Variants in IL16 observed in about 807,000 individuals in gnomAD.
The protein encoded by IL16 is interleukin 16.
In IL16, 67 loss-of-function variants were observed where a neutral mutation model predicts 110.1. That is an observed-to-expected ratio of 0.61 (90% CI 0.50 to 0.75). The LOEUF is 0.75. Among genes scored for constraint, IL16 ranks in the 30% least tolerant of loss-of-function variants. The probability of loss-of-function intolerance (pLI) is 0.00; values close to 1 mark genes in which losing one functional copy is unlikely to be tolerated. For missense variants in IL16, 1,545 were observed against 1,655.0 expected (o/e 0.93, Z 1.15); for synonymous variants, 689 against 662.9 (o/e 1.04, Z -0.61).
intron 6 of IL16, among the ~76,000 whole-genome samples, chr15:81,274,818 A>G (rs1006809375): frequency 3.9e-5 from 6 of 152,206 alleles, no homozygotes; most frequent in Non-Finnish European, 7.3e-5. Flanking sequence ...CCCGAGCACT[A>G]TGCAGAATTA....
chr15:81,232,042 G>GTTTTTTTTCTTTTTTTTTTTTTTT (rs1897009237), intron 2 of IL16, among the ~76,000 whole-genome samples: 1 of 57,694 alleles, frequency 1.7e-5, no homozygotes, highest in Non-Finnish European at 3.3e-5. Context: ...ATTTGTTCTT[G>GTTTTTTTTCTTTTTTTTTTTTTTT]TTTTTTTTTT....
chr15:81,300,409 C>G lies in IL16; in HGVS notation c.3083C>G (p.Ser1028Cys). ...PKEGASPTSS[S>C]NEDSAANGSA... ...GAAGGGGCATCTCCAACATCATCAT[C>G]CAACGAAGACTCAGCTGCAAATGGT... is the stretch of plus-strand genomic sequence containing the variant. Residue 1028 changes from serine (S) to cysteine (C), a missense_variant, in exon 14 of 19, where the codon TCC becomes TGC. Around this residue, in one of 3 missense-constraint regions of IL16, gnomAD observed 356 missense variants for 399.3 expected, o/e 0.89. Transcript: ENST00000683961. 1.2e-6 allele frequency: 2 copies of G among 1,614,208 alleles called. No individual in the cohort carries two copies. Among genetic ancestry groups the G allele is most frequent in the Non-Finnish European group, 1.7e-6 (2 of 1,180,026 alleles).
At chr15:81,252,578 T>A (rs1453813653) in intron 2 of IL16, among the ~76,000 whole-genome samples, 1 of 152,074 alleles carries the variant, frequency 6.6e-6, no homozygotes, top group Non-Finnish European at 1.5e-5. Context: ...CACTGTCTAG[T>A]TTTAGAACAT....
At chr15:81,306,350 C>A in intron 17 of IL16, 70 bp from the exon 18 acceptor site, 1 of 1,592,676 alleles carries the variant, frequency 6.3e-7, no homozygotes, top group Non-Finnish European at 8.6e-7. Context: ...CCCGGGCTCA[C>A]TTGAAGCCCA....
chr15:81,220,707 G>A (rs1019003249), intron 1 of IL16, among the ~76,000 whole-genome samples: 10 of 151,366 alleles, frequency 6.6e-5, no homozygotes, highest in African/African-American at 2.4e-4. Flanking sequence ...TTATCCAGGT[G>A]GAAATACTGT....
intron 1 of IL16, among the ~76,000 whole-genome samples, chr15:81,220,293 C>T (rs780565501): frequency 1.3e-4 from 20 of 152,106 alleles, no homozygotes; most frequent in Non-Finnish European, 2.1e-4. Flanking sequence ...TGCCATCATG[C>T]TGGCTAGTTT....
At chr15:81,273,927 C>G (rs557206269) in intron 6 of IL16, among the ~76,000 whole-genome samples, 1 of 152,008 alleles carries the variant, frequency 6.6e-6, no homozygotes, top group Non-Finnish European at 1.5e-5. Flanking sequence ...AGGGTTCCCC[C>G]CACCCCCACC....
chr15:81,193,113 G>A (rs904007451), upstream of IL16, among the ~76,000 whole-genome samples: 2 of 152,150 alleles, frequency 1.3e-5, no homozygotes, highest in African/African-American at 4.8e-5. Flanking sequence ...ACTTGGGCAG[G>A]GACAGACCTG....
rs190831342 is a variant in IL16 at position 81,213,815 on chromosome 15, T to A, written c.-101-11484T>A. 5.3e-5 allele frequency among the ~76,000 whole-genome samples: 8 copies of A among 152,314 alleles called. No individual in the cohort carries two copies. The East Asian group carries it at 1.5e-3, about 29-fold the overall frequency. ...GAAGATAATAAATGGTTGGGTCTTG[T>A]CTTTTTATCCAGCTTGCCCCTCTGT... On this transcript the variant is annotated intron_variant, in intron 1 of 18. Transcript: ENST00000683961.
intron 1 of IL16, among the ~76,000 whole-genome samples, chr15:81,187,393 T>C (rs1895434450): frequency 6.6e-6 from 1 of 152,104 alleles, no homozygotes; most frequent in Admixed American, 6.5e-5. Flanking sequence ...GCCCAGGAGT[T>C]CAAGACCAGT....
At chr15:81,215,482 C>G (rs1044464226) in intron 1 of IL16, among the ~76,000 whole-genome samples, 5 of 152,182 alleles carry the variant, frequency 3.3e-5, no homozygotes, top group African/African-American at 1.2e-4. Flanking sequence ...TCACACTACT[C>G]TTTTGTATCT....
At position 81,306,441 on chromosome 15, in the gene IL16, C is replaced by T. The variant is rs749014797; in HGVS notation, c.3701C>T (p.Thr1234Met). 1.7e-5 allele frequency: 28 copies of T among 1,613,948 alleles called. No individual in the cohort carries two copies. Among genetic ancestry groups the T allele is most frequent in the East Asian group, 1.1e-4 (5 of 44,894 alleles). ...VESTAEATVC[T>M]VTLEKMSAGL... Reference sequence around the variant, plus strand: ...TCAGCAGCAGAGGCCACAGTCTGCACGGTGACACTGGAGAAGATGTCGGCA... The same window carrying T: ...TCAGCAGCAGAGGCCACAGTCTGCATGGTGACACTGGAGAAGATGTCGGCA... Residue 1234 changes from threonine to methionine, a missense_variant, in exon 18 of 19, where the codon ACG becomes ATG. Physicochemically the swap from Thr to Met is moderately conservative, Grantham distance 81. Transcript: ENST00000683961.
At position 81,197,119 on chromosome 15, in the gene IL16, G is replaced by T; in HGVS notation, c.-135G>T. ...AGGAGCAAGGGAGATGGCAGCCCCG[G>T]GGGACTGTGCATAGGGAGGTAGGTG... On this transcript the variant is annotated 5_prime_UTR_variant, in exon 1 of 19. Transcript: ENST00000683961. 1 of 1,288,996 alleles carries T rather than the reference G, an allele frequency of 7.8e-7. No homozygotes were observed. The allele number at this position is 1,288,996 out of a possible 1,614,324, so 79.8% of individuals were successfully genotyped here. A position where few individuals can be genotyped will look rare whatever the true frequency, so the allele number is the denominator to read the frequency against.
chr15:81,195,135 A>AT (rs1396088928), upstream of IL16, among the ~76,000 whole-genome samples: 3 of 152,192 alleles, frequency 2.0e-5, no homozygotes, highest in African/African-American at 7.2e-5. Flanking sequence ...TTTGGAATAA[A>AT]TTTACCTTCT....
intron 2 of IL16, among the ~76,000 whole-genome samples, chr15:81,232,712 A>G (rs779223077): frequency 1.1e-4 from 16 of 152,190 alleles, no homozygotes; most frequent in Admixed American, 8.5e-4. Context: ...AATAAACTCA[A>G]TTTAGCTATG....
At chr15:81,248,893 GT>G (rs2142136489) in intron 2 of IL16, among the ~76,000 whole-genome samples, 1 of 151,454 alleles carries the variant, frequency 6.6e-6, no homozygotes, top group South Asian at 2.1e-4. Flanking sequence ...GCTAATTTTT[GT>G]ATTTTTAGTA....
Position 81,265,763 on chromosome 15 carries a change from C to T in IL16, c.526C>T (p.Leu176Phe). ...CTCTCTCTGCAGTAACAGGAAGTCC[C>T]TCTCTCAACAATTGGACTGTCCAGC... The part of the protein sequence containing the change: ...PYSLCSNRKS[L>F]SQQLDCPAGK... Residue 176 changes from leucine (L) to phenylalanine (F), a missense_variant, in exon 4 of 19, where the codon CTC (leucine) becomes TTC (phenylalanine). Leu to Phe is a conservative substitution (Grantham distance 22, BLOSUM62 0). Transcript: ENST00000683961. 6.2e-7 allele frequency: 1 copy of T among 1,613,662 alleles called. No homozygotes were observed. Among genetic ancestry groups the T allele is most frequent in the Non-Finnish European group, 8.5e-7 (1 of 1,179,774 alleles).
At chr15:81,182,895 C>T (rs766091038) in exon 1 of IL16, 32 of 1,288,688 alleles carry the variant, frequency 2.5e-5, no homozygotes, top group Non-Finnish European at 2.6e-5. Flanking sequence ...GAAGGCAGAA[C>T]GGTGAGTGGA....
At chr15:81,210,568 A>T (rs1480313425) in intron 1 of IL16, among the ~76,000 whole-genome samples, 1 of 151,982 alleles carries the variant, frequency 6.6e-6, no homozygotes, top group African/African-American at 2.4e-5. Flanking sequence ...CCTTGTAGAG[A>T]TCTTTCACCT....
Sources: allele counts gnomAD v4.1 joint callset (sites outside exome capture counted in the v4.1 genomes callset), GRCh38; gene constraint gnomAD v4.1.1; regional missense constraint gnomAD v4.1.1; transcripts MANE v1.5; gene names NCBI Gene and HGNC (gene_info 2026-07-23, HGNC 2026-07-21).